Variants in PIK3CG observed in about 807,000 individuals in gnomAD.
PIK3CG encodes phosphatidylinositol-4,5-bisphosphate 3-kinase catalytic subunit gamma.
A neutral mutation model predicts 102.3 loss-of-function variants in PIK3CG; 55 were observed. The observed-to-expected ratio is 0.54, with a 90% CI of 0.43 to 0.67. PIK3CG has a LOEUF of 0.67. PIK3CG is among the 30% of genes least tolerant of loss of function. PIK3CG has a pLI of 0.00. For missense variants in PIK3CG, 1,258 were observed against 1,391.8 expected (o/e 0.90, Z 1.53); for synonymous variants, 552 against 540.0 (o/e 1.02, Z -0.31).
In PIK3CG at chr7:106,874,687, T is replaced by C; in HGVS notation, c.2288-13T>C. On this transcript the variant is annotated splice_polypyrimidine_tract_variant and intron_variant, in intron 4 of 10. Coordinates refer to ENST00000496166, the MANE Select transcript of PIK3CG (RefSeq NM_001282426.2). This position sits in a 1 kb window ranked among gnomAD's most constrained non-coding sequence, Gnocchi z 4.3. The stretch of plus-strand genomic sequence containing the variant: ...GAACTCACATAACTCTTGTGTACTT[T>C]TGACAATTACAGTTATTTCACAACT... 1 of 1,540,376 alleles carries C rather than the reference T, an allele frequency of 6.5e-7. No individual in the cohort carries two copies. Among genetic ancestry groups the C allele is most frequent in the Non-Finnish European group, 9.0e-7 (1 of 1,113,280 alleles).
In PIK3CG at chr7:106,906,989, T is replaced by C; in HGVS notation, c.*1602T>C. Reference sequence around the variant, plus strand: ...AAAAAAAATTAGCTGGGTATAGTGGTATGTGCCTGTAGTCCCAGGTACTCA... The same window carrying C: ...AAAAAAAATTAGCTGGGTATAGTGGCATGTGCCTGTAGTCCCAGGTACTCA... On this transcript the variant is annotated 3_prime_UTR_variant, in exon 11 of 11. Coordinates refer to ENST00000496166, the MANE Select transcript of PIK3CG (RefSeq NM_001282426.2). 4.6e-6 allele frequency: 1 copy of C among 216,268 alleles called. No individual in the cohort carries two copies. Among genetic ancestry groups the C allele is most frequent in the Non-Finnish European group, 9.3e-6 (1 of 107,550 alleles). 13.4% of individuals were successfully genotyped at this position (216,268 alleles called of 1,614,324 possible).
chr7:106,886,575 G>A (rs1226374510), intron 10 of PIK3CG, among the ~76,000 whole-genome samples: 2 of 152,172 alleles, frequency 1.3e-5, no homozygotes, highest in Non-Finnish European at 2.9e-5. Context: ...GATGATGCTG[G>A]CACTAAAGAG....
Position 106,877,002 on chromosome 7 carries a change from A to C in PIK3CG, c.2391+2199A>C, listed in dbSNP as rs1480970023. Among the ~76,000 whole-genome samples the C allele has an allele frequency of 2.0e-5, 3 of 152,046 alleles. No homozygotes were observed. The highest frequency in any genetic ancestry group is 4.4e-5 in the Non-Finnish European group (3 of 68,004). ...CACTTGAGGCAAGGAGTATGAGACC[A>C]GACTGGGCAACATGGCGAGACTCCA... On this transcript the variant is annotated intron_variant, in intron 5 of 10. Transcript: ENST00000496166. The surrounding 1 kb of genome is among the most constrained non-coding windows in gnomAD (Gnocchi z 4.5).
At position 106,883,570 on chromosome 7, in the gene PIK3CG, A is replaced by G. The variant is rs978369383; in HGVS notation, c.2760+407A>G. The stretch of plus-strand genomic sequence containing the variant: ...AATTTATAATTTACTGCTGAACTCT[A>G]ATCTAAATGGTAAATCATGGATGCT... On this transcript the variant is annotated intron_variant, in intron 8 of 10. Coordinates refer to ENST00000496166, the MANE Select transcript of PIK3CG (RefSeq NM_001282426.2). This position sits in a 1 kb window ranked among gnomAD's most constrained non-coding sequence, Gnocchi z 5.8. Among the ~76,000 whole-genome samples, 1 of 152,196 alleles carries G rather than the reference A, an allele frequency of 6.6e-6. No homozygotes were observed. The highest frequency in any genetic ancestry group is 2.4e-5 in the African/African-American group (1 of 41,446).
rs2116416154 is a variant in PIK3CG, at chr7:106,867,584, A to T, written c.23A>T (p.Gln8Leu). The change falls in exon 2 of 11, where the codon CAG becomes CTG. Residue 8 changes from glutamine (Q) to leucine (L), a missense_variant. Transcript: ENST00000496166. This position sits in a 1 kb window ranked among gnomAD's most constrained non-coding sequence, Gnocchi z 5.1. MELENYK[Q>L]PVVLREDNCR... Reference sequence around the variant, plus strand: ...GGCATGGAGCTGGAGAACTATAAACAGCCCGTGGTGCTGAGAGAGGACAAC... The same window carrying T: ...GGCATGGAGCTGGAGAACTATAAACTGCCCGTGGTGCTGAGAGAGGACAAC... The T allele has an allele frequency of 1.9e-6, 3 of 1,589,194 alleles. No individual in the cohort carries two copies. Among genetic ancestry groups the T allele is most frequent in the Non-Finnish European group, 2.6e-6 (3 of 1,168,720 alleles).
Position 106,867,561 on chromosome 7 carries a change from C to A in PIK3CG, c.-1C>A, listed in dbSNP as rs2116415506. On this transcript the variant is annotated 5_prime_UTR_variant, in exon 2 of 11. Transcript: ENST00000496166. This position sits in a 1 kb window ranked among gnomAD's most constrained non-coding sequence, Gnocchi z 5.1. ...CCCTCCGCTCCCAGGTCGCATAGGG[C>A]ATGGAGCTGGAGAACTATAAACAGC... The A allele has an allele frequency of 6.4e-7, 1 of 1,554,680 alleles. No individual in the cohort carries two copies. Among genetic ancestry groups the A allele is most frequent in the Non-Finnish European group, 8.7e-7 (1 of 1,151,684 alleles).
intron 5 of PIK3CG, among the ~76,000 whole-genome samples, chr7:106,878,808 A>G (rs1482101184): frequency 3.9e-5 from 6 of 152,212 alleles, no homozygotes; most frequent in African/African-American, 1.2e-4. Context: ...TCCACTGTCC[A>G]TTATTTAAAG....
chr7:106,878,471 C>T (rs1790831753), intron 5 of PIK3CG, among the ~76,000 whole-genome samples: 1 of 152,112 alleles, frequency 6.6e-6, no homozygotes. Flanking sequence ...ACTTCAGTTA[C>T]AGTAATTTAG....
chr7:106,872,460 G>T lies in PIK3CG; in HGVS notation c.1996-77G>T. ...GAAGACCCAGTAAAGCAGAGCACCA[G>T]TTCTTCTCCATTTCCTTTTCCCTGA... On this transcript the variant is annotated intron_variant, in intron 2 of 10. Coordinates refer to ENST00000496166, the MANE Select transcript of PIK3CG (RefSeq NM_001282426.2). This position sits in a 1 kb window ranked among gnomAD's most constrained non-coding sequence, Gnocchi z 5.3. 4 of 1,135,648 alleles carry T rather than the reference G, an allele frequency of 3.5e-6. No homozygotes were observed. In the Admixed American group the frequency reaches 5.5e-5, roughly 16 times the overall value. 70.3% of individuals were successfully genotyped at this position (1,135,648 alleles called of 1,614,324 possible).
At chr7:106,870,499 C>T (rs1314537716) in intron 2 of PIK3CG, among the ~76,000 whole-genome samples, 1 of 152,152 alleles carries the variant, frequency 6.6e-6, no homozygotes, top group Non-Finnish European at 1.5e-5. Context: ...AGAAGACTGG[C>T]ATTAAATGAG....
chr7:106,872,230 C>T lies in PIK3CG; in HGVS notation c.1996-307C>T, dbSNP rs150022047. Among the ~76,000 whole-genome samples, 78 of 152,224 alleles carry T rather than the reference C, an allele frequency of 5.1e-4. No homozygotes were observed. The highest frequency in any genetic ancestry group is 2.9e-4 in the Non-Finnish European group (20 of 67,996). On this transcript the variant is annotated intron_variant, in intron 2 of 10. Coordinates refer to ENST00000496166, the MANE Select transcript of PIK3CG (RefSeq NM_001282426.2). This position sits in a 1 kb window ranked among gnomAD's most constrained non-coding sequence, Gnocchi z 5.3. ...TACCCCTCCAACAAAACCAGTAAGA[C>T]CTAATTAGAGCAAATTCCCTCACCT...
At position 106,891,528 on chromosome 7, in the gene PIK3CG, A is replaced by G. The variant is rs917932382; in HGVS notation, c.3030+5236A>G. 2.6e-5 allele frequency among the ~76,000 whole-genome samples: 4 copies of G among 152,190 alleles called. No individual in the cohort carries two copies. The highest frequency in any genetic ancestry group is 2.1e-4 in the South Asian group (1 of 4,828). On this transcript the variant is annotated intron_variant, in intron 10 of 10. Transcript: ENST00000496166. This position sits in a 1 kb window ranked among gnomAD's most constrained non-coding sequence, Gnocchi z 4.4. ...AGAACAGGGCATGGAGTATATACACATAGTGTACATTCAATACAGGACAGT... is the reference window on the plus strand; with the variant it reads ...AGAACAGGGCATGGAGTATATACACGTAGTGTACATTCAATACAGGACAGT...
At position 106,897,678 on chromosome 7, in the gene PIK3CG, A is replaced by G. The variant is rs754364258; in HGVS notation, c.3031-7431A>G. Among the ~76,000 whole-genome samples the G allele has an allele frequency of 6.6e-6, 1 of 152,192 alleles. No individual in the cohort carries two copies. The highest frequency in any genetic ancestry group is 2.4e-5 in the African/African-American group (1 of 41,450). ...TAGTTTGCTAAAGATAATAGCCCCC[A>G]GCTCCATCCATGTTCCCGCAAAAGA... On this transcript the variant is annotated intron_variant, in intron 10 of 10. Transcript: ENST00000496166. The surrounding 1 kb of genome is among the most constrained non-coding windows in gnomAD (Gnocchi z 4.6).
intron 10 of PIK3CG, among the ~76,000 whole-genome samples, chr7:106,887,998 T>G (rs1791156232): frequency 7.8e-6 from 1 of 128,884 alleles, no homozygotes; most frequent in African/African-American, 2.9e-5. Flanking sequence ...TAGAGTACAG[T>G]GGCATGATCT....
chr7:106,901,398 A>G (rs983567682), intron 10 of PIK3CG, among the ~76,000 whole-genome samples: 14 of 152,058 alleles, frequency 9.2e-5, no homozygotes, highest in Non-Finnish European at 2.1e-4. Flanking sequence ...TGTGTTATTC[A>G]GCTCTGTCAG....
chr7:106,882,244 G>T, intron 7 of PIK3CG, 37 bp downstream of exon 7: 1 of 984,766 alleles, frequency 1.0e-6, no homozygotes, highest in East Asian at 2.7e-5. Flanking sequence ...AGACCTCTCA[G>T]CTCGTTTGAA....
rs573543067 is a variant in PIK3CG, at chr7:106,902,254, C to G, written c.3031-2855C>G. ...AAGCCAGGGGTTTCCTGTCTTGTGT[C>G]AAGCAATGCGGGGGGTGTGTGGGAT... is the stretch of plus-strand genomic sequence containing the variant. On this transcript the variant is annotated intron_variant, in intron 10 of 10. Transcript: ENST00000496166. This position sits in a 1 kb window ranked among gnomAD's most constrained non-coding sequence, Gnocchi z 4.3. Among the ~76,000 whole-genome samples, 16 of 151,900 alleles carry G rather than the reference C, an allele frequency of 1.1e-4. No homozygotes were observed. Among genetic ancestry groups the G allele is most frequent in the Admixed American group, 2.6e-4 (4 of 15,248 alleles).
chr7:106,904,843 A>G (rs533271683), intron 10 of PIK3CG, among the ~76,000 whole-genome samples: 1 of 152,232 alleles, frequency 6.6e-6, no homozygotes, highest in Non-Finnish European at 1.5e-5. Context: ...AAACTGAATT[A>G]AAAAGGTAGA....
intron 5 of PIK3CG, among the ~76,000 whole-genome samples, chr7:106,878,244 T>G (rs1790821937): frequency 2.6e-5 from 4 of 152,214 alleles, no homozygotes. Flanking sequence ...TCTTTGATTG[T>G]GTCTGCATAA....
Sources: allele counts gnomAD v4.1 joint callset (sites outside exome capture counted in the v4.1 genomes callset), GRCh38; gene constraint gnomAD v4.1.1; non-coding constraint Gnocchi (gnomAD v3.1); transcripts MANE v1.5; gene names NCBI Gene and HGNC (gene_info 2026-07-23, HGNC 2026-07-21).